Variants in PPM1G observed in about 807,000 individuals in gnomAD.
PPM1G encodes protein phosphatase 1G.
Under a neutral mutation model 59.4 loss-of-function variants are expected in PPM1G, and 12 were observed. That is an observed-to-expected ratio of 0.20 (90% CI 0.13 to 0.33). The LOEUF (loss-of-function observed/expected upper bound fraction) is 0.33. PPM1G is among the 10% of genes least tolerant of loss of function. PPM1G has a pLI of 1.00. For missense variants in PPM1G, 392 were observed against 681.3 expected (o/e 0.58, Z 4.73); for synonymous variants, 245 against 251.9 (o/e 0.97, Z 0.26).
Position 27,381,360 on chromosome 2 carries a change from C to CA in PPM1G, c.*238dup. The CA allele has an allele frequency of 1.7e-6, 1 of 571,832 alleles. No individual in the cohort carries two copies. Among genetic ancestry groups the CA allele is most frequent in the Non-Finnish European group, 3.1e-6 (1 of 318,308 alleles). 35.4% of individuals were successfully genotyped at this position (571,832 alleles called of 1,614,324 possible). A position where few individuals can be genotyped will look rare whatever the true frequency, so the allele number is the denominator to read the frequency against. ...CCGCCAGTCCTTCCCTCCAACACAACAGAGCACAGGCACAGAACCGGTGAT... is the reference window on the plus strand; with the variant it reads ...CCGCCAGTCCTTCCCTCCAACACAACAAGAGCACAGGCACAGAACCGGTGAT... On this transcript the variant is annotated 3_prime_UTR_variant, in exon 10 of 10. Transcript: ENST00000344034.
Position 27,409,504 on chromosome 2 carries a change from G to A in PPM1G, c.-82C>T. On this transcript the variant is annotated 5_prime_UTR_variant, in exon 1 of 10. Coordinates refer to ENST00000344034, the MANE Select transcript of PPM1G (RefSeq NM_177983.3). ...AGCCGAAGCCCCGGGGGTGCGCGCGGCAGGAGCAGGCCCCGCGGCGCGACC... is the reference window on the plus strand; with the variant it reads ...AGCCGAAGCCCCGGGGGTGCGCGCGACAGGAGCAGGCCCCGCGGCGCGACC... 7.3e-7 allele frequency: 1 copy of A among 1,361,372 alleles called. No individual in the cohort carries two copies. Among genetic ancestry groups the A allele is most frequent in the East Asian group, 3.1e-5 (1 of 32,022 alleles). 84.3% of individuals were successfully genotyped at this position (1,361,372 alleles called of 1,614,324 possible).
intron 1 of PPM1G, among the ~76,000 whole-genome samples, chr2:27,392,297 T>TTG (rs1312786835): frequency 7.0e-6 from 1 of 143,628 alleles, no homozygotes; most frequent in Non-Finnish European, 1.5e-5. Flanking sequence ...TTTTTTTTTT[T>TTG]TTTTTTTTTT....
intron 1 of PPM1G, among the ~76,000 whole-genome samples, chr2:27,406,479 T>C (rs973622085): frequency 1.6e-4 from 24 of 152,226 alleles, no homozygotes; most frequent in African/African-American, 5.5e-4. Context: ...ATTAGGCATA[T>C]TTATTCAAAC....
chr2:27,382,654 TTG>T lies in PPM1G; in HGVS notation c.1202-51_1202-50del. 5 of 1,606,396 alleles carry T rather than the reference TTG, an allele frequency of 3.1e-6. No individual in the cohort carries two copies. The highest frequency in any genetic ancestry group is 4.3e-6 in the Non-Finnish European group (5 of 1,174,110). On this transcript the variant is annotated intron_variant, in intron 7 of 9. Coordinates refer to ENST00000344034, the MANE Select transcript of PPM1G (RefSeq NM_177983.3). The surrounding 1 kb of genome is among the most constrained non-coding windows in gnomAD (Gnocchi z 4.2). ...AGCAGTTTGGATACTTCCCACAGACTTGTGTTTGTGGCAGGTCAAACCTTGCC... is the reference window on the plus strand; with the variant it reads ...AGCAGTTTGGATACTTCCCACAGACTTGTTTGTGGCAGGTCAAACCTTGCC...
chr2:27,405,575 T>C (rs1413981758), intron 1 of PPM1G, among the ~76,000 whole-genome samples: 1 of 151,580 alleles, frequency 6.6e-6, no homozygotes, highest in East Asian at 2.0e-4. Context: ...TTTTGTATTT[T>C]CAGTAGAGAC....
chr2:27,400,123 G>A (rs927574114), intron 1 of PPM1G, among the ~76,000 whole-genome samples: 7 of 152,136 alleles, frequency 4.6e-5, no homozygotes, highest in East Asian at 3.9e-4. Flanking sequence ...TTGGCCGGGC[G>A]TGGTGGTTCA....
chr2:27,409,217 C>A, intron 1 of PPM1G, 86 bp downstream of exon 1: 1 of 1,477,250 alleles, frequency 6.8e-7, no homozygotes, highest in Non-Finnish European at 9.0e-7. Flanking sequence ...TGGGACCCTT[C>A]CCAGGGGAGG....
intron 1 of PPM1G, among the ~76,000 whole-genome samples, chr2:27,390,164 C>A (rs12476704): frequency 0.38 from 56,930 of 151,722 alleles, 11,041 homozygotes; most frequent in Admixed American, 0.44. Flanking sequence ...TTACAGTGGG[C>A]ACCTGCCACC....
intron 1 of PPM1G, among the ~76,000 whole-genome samples, chr2:27,402,669 C>T (rs1024772439): frequency 6.6e-6 from 1 of 151,804 alleles, no homozygotes; most frequent in Non-Finnish European, 1.5e-5. Flanking sequence ...ATTAGCCAGG[C>T]GTGGTGGCGG....
rs533658521 is a variant in PPM1G at position 27,384,861 on chromosome 2, C to T, written c.637G>A (p.Gly213Ser). The T allele has an allele frequency of 6.2e-7, 1 of 1,614,234 alleles. No individual in the cohort carries two copies. Among genetic ancestry groups the T allele is most frequent in the Non-Finnish European group, 8.5e-7 (1 of 1,180,050 alleles). ...CCACGTTCCGAGTTGGAGGAAAAGCCTGTGTAGGCCTTGGCTGTGGGGCCA... is the reference window on the plus strand; with the variant it reads ...CCACGTTCCGAGTTGGAGGAAAAGCTTGTGTAGGCCTTGGCTGTGGGGCCA... ...ENGPTAKAYT[G>S]FSSNSERGTE... is the part of the protein sequence containing the mutation. The change falls in exon 5 of 10, where the codon GGC becomes AGC. Residue 213 changes from glycine (G) to serine (S), a missense_variant. Coordinates refer to ENST00000344034, the MANE Select transcript of PPM1G (RefSeq NM_177983.3). This position sits in a 1 kb window ranked among gnomAD's most constrained non-coding sequence, Gnocchi z 4.8.
In PPM1G at chr2:27,395,826, G is replaced by C. The variant is rs976322233; in HGVS notation, c.121-8668C>G. Among the ~76,000 whole-genome samples the C allele has an allele frequency of 5.5e-5, 5 of 91,400 alleles. No homozygotes were observed. The Admixed American group carries it at 6.6e-4, about 12-fold the overall frequency. The allele number at this position is 91,400 out of a possible 152,430, so 60.0% of individuals were successfully genotyped here. The stretch of plus-strand genomic sequence containing the variant: ...CACCACTGCACTCCAGCATGAGCAA[G>C]AATAAGACCGTCTCAAAAAAAAAAA... On this transcript the variant is annotated intron_variant, in intron 1 of 9. Coordinates refer to ENST00000344034, the MANE Select transcript of PPM1G (RefSeq NM_177983.3).
At chr2:27,399,864 C>G (rs759686778) in intron 1 of PPM1G, among the ~76,000 whole-genome samples, 3 of 150,946 alleles carry the variant, frequency 2.0e-5, no homozygotes, top group Non-Finnish European at 4.4e-5. Context: ...TATGACCCAG[C>G]ACTTCCACTC....
chr2:27,381,907 G>A, intron 9 of PPM1G, 102 bp from the exon 10 acceptor site: 2 of 1,239,938 alleles, frequency 1.6e-6, no homozygotes, highest in Non-Finnish European at 2.3e-6. Flanking sequence ...GGTGGTAGGA[G>A]AGGAATGGGC....
intron 1 of PPM1G, among the ~76,000 whole-genome samples, chr2:27,396,862 A>G (rs1684065873): frequency 6.6e-6 from 1 of 150,820 alleles, no homozygotes; most frequent in South Asian, 2.1e-4. Context: ...GGTAATTTTT[A>G]TGTTATGAAA....
intron 1 of PPM1G, among the ~76,000 whole-genome samples, chr2:27,395,693 A>T (rs1260199804): frequency 6.6e-6 from 1 of 151,988 alleles, no homozygotes; most frequent in Non-Finnish European, 1.5e-5. Context: ...AAAATTTTTT[A>T]AATTAGCCAC....
chr2:27,402,374 G>A (rs1558321847), intron 1 of PPM1G, among the ~76,000 whole-genome samples: 1 of 152,184 alleles, frequency 6.6e-6, no homozygotes, highest in African/African-American at 2.4e-5. Context: ...AAGATTAGAG[G>A]TTAGGGAAAC....
At chr2:27,398,807 C>T (rs1368959584) in intron 1 of PPM1G, among the ~76,000 whole-genome samples, 3 of 145,530 alleles carry the variant, frequency 2.1e-5, no homozygotes, top group Non-Finnish European at 3.0e-5. Context: ...GGCAACAGAG[C>T]GAGACTCCGT....
At chr2:27,396,960 C>T (rs1245645904) in intron 1 of PPM1G, among the ~76,000 whole-genome samples, 1 of 152,084 alleles carries the variant, frequency 6.6e-6, no homozygotes, top group African/African-American at 2.4e-5. Context: ...ACCTCTGCCT[C>T]CGTGGTTCAA....
rs1483782957 is a variant in PPM1G at position 27,383,868 on chromosome 2, G to A, written c.966+84C>T. 3.3e-6 allele frequency: 5 copies of A among 1,519,038 alleles called. No homozygotes were observed. Among genetic ancestry groups the A allele is most frequent in the East Asian group, 2.4e-5 (1 of 40,902 alleles). 94.1% of individuals were successfully genotyped at this position (1,519,038 alleles called of 1,614,324 possible). A position where few individuals can be genotyped will look rare whatever the true frequency, so the allele number is the denominator to read the frequency against. On this transcript the variant is annotated intron_variant, in intron 6 of 9. Coordinates refer to ENST00000344034, the MANE Select transcript of PPM1G (RefSeq NM_177983.3). The surrounding 1 kb of genome is among the most constrained non-coding windows in gnomAD (Gnocchi z 5.0). Reference sequence around the variant, plus strand: ...TACTTCCATCCTAAAGTATCAGGGGGATCCCCTGTCTCAAAATCAAAATTA... The same window carrying A: ...TACTTCCATCCTAAAGTATCAGGGGAATCCCCTGTCTCAAAATCAAAATTA...
Sources: allele counts gnomAD v4.1 joint callset (sites outside exome capture counted in the v4.1 genomes callset), GRCh38; gene constraint gnomAD v4.1.1; non-coding constraint Gnocchi (gnomAD v3.1); transcripts MANE v1.5; gene names NCBI Gene and HGNC (gene_info 2026-07-23, HGNC 2026-07-21).